The following GNA14 variants were observed in gnomAD, a reference collection of about 807,000 sequenced individuals.
The protein encoded by GNA14 is guanine nucleotide-binding protein subunit alpha-14.
A neutral mutation model predicts 42.0 loss-of-function variants in GNA14; 50 were observed. The ratio of observed to expected loss-of-function variants is 1.19; its 90% CI spans 0.95 to 1.51. The LOEUF (loss-of-function observed/expected upper bound fraction) is 1.51, where lower values mean the gene tolerates loss of function less well. Among genes scored for constraint, GNA14 ranks in the 40% most tolerant of loss-of-function variants. GNA14 has a pLI of 0.00. For synonymous variants in GNA14, 173 were observed against 163.1 expected (o/e 1.06, Z -0.46); for missense variants, 473 against 446.2 (o/e 1.06, Z -0.54).
chr9:77,626,773 G>A (rs1824018904), intron 1 of GNA14, among the ~76,000 whole-genome samples: 1 of 152,132 alleles, frequency 6.6e-6, no homozygotes, highest in Admixed American at 6.6e-5. Context: ...ATGCCCACAG[G>A]AGAAAGTGGG....
At chr9:77,526,321 A>C (rs943168236) in intron 2 of GNA14, among the ~76,000 whole-genome samples, 1 of 152,134 alleles carries the variant, frequency 6.6e-6, no homozygotes, top group Non-Finnish European at 1.5e-5. Flanking sequence ...TATGTTGTAC[A>C]TGGGATGGAC....
At chr9:77,585,184 G>C (rs1823284308) in intron 1 of GNA14, among the ~76,000 whole-genome samples, 1 of 152,154 alleles carries the variant, frequency 6.6e-6, no homozygotes. Context: ...AAAGAGGGAA[G>C]AGTGCGTATG....
At chr9:77,558,101 T>C (rs1822818136) in intron 1 of GNA14, among the ~76,000 whole-genome samples, 1 of 152,192 alleles carries the variant, frequency 6.6e-6, no homozygotes, top group Admixed American at 6.5e-5. Flanking sequence ...AAAATAATTC[T>C]TAAGACAATA....
At chr9:77,431,619 C>T (rs568312957) in intron 3 of GNA14, 170 bp from the exon 4 acceptor site, 11 of 569,182 alleles carry the variant, frequency 1.9e-5, no homozygotes, top group Admixed American at 6.0e-5. Context: ...ATCCTTCCTA[C>T]GACTGTTTTG....
intron 1 of GNA14, among the ~76,000 whole-genome samples, chr9:77,545,269 G>A (rs1416066847): frequency 6.6e-6 from 1 of 151,888 alleles, no homozygotes; most frequent in Non-Finnish European, 1.5e-5. Flanking sequence ...AATAAGAGGA[G>A]CTACCAGTGC....
intron 1 of GNA14, among the ~76,000 whole-genome samples, chr9:77,560,286 C>CTTTTTTT (rs770870060): frequency 1.7e-5 from 2 of 119,556 alleles, no homozygotes; most frequent in African/African-American, 3.4e-5. Flanking sequence ...CCTCTCCAGT[C>CTTTTTTT]TTTTTTTTTT....
chr9:77,600,237 C>T (rs181923665), intron 1 of GNA14, among the ~76,000 whole-genome samples: 192 of 152,320 alleles, frequency 1.3e-3, no homozygotes, highest in African/African-American at 3.8e-3. Context: ...CCAAAGTACA[C>T]CCCTTTTCTT....
intron 1 of GNA14, among the ~76,000 whole-genome samples, chr9:77,576,265 A>C (rs1345736998): frequency 6.6e-6 from 1 of 152,176 alleles, no homozygotes; most frequent in East Asian, 1.9e-4. Context: ...TTGTCCAGTG[A>C]TCGGATAGGG....
chr9:77,523,727 G>A (rs1362458637), intron 2 of GNA14, among the ~76,000 whole-genome samples: 1 of 152,204 alleles, frequency 6.6e-6, no homozygotes, highest in Non-Finnish European at 1.5e-5. Context: ...GGCAGCGAAG[G>A]AGCTAGGGTC....
At chr9:77,577,966 T>C (rs1005714363) in intron 1 of GNA14, among the ~76,000 whole-genome samples, 18 of 152,242 alleles carry the variant, frequency 1.2e-4, no homozygotes, top group Middle Eastern at 3.4e-3. Context: ...TGAATGATCA[T>C]GGCAACAAGA....
At chr9:77,462,103 C>T (rs1386910569) in intron 2 of GNA14, among the ~76,000 whole-genome samples, 2 of 152,166 alleles carry the variant, frequency 1.3e-5, no homozygotes, top group East Asian at 3.8e-4. Context: ...CGAACGTGAG[C>T]TCAGCAGCAT....
intron 1 of GNA14, among the ~76,000 whole-genome samples, chr9:77,643,400 C>T (rs574671592): frequency 1.3e-5 from 2 of 152,190 alleles, no homozygotes; most frequent in African/African-American, 4.8e-5. Context: ...CCACCACACC[C>T]GGCTAATTTT....
chr9:77,540,463 GT>G (rs1205386449), intron 1 of GNA14, among the ~76,000 whole-genome samples: 1 of 152,074 alleles, frequency 6.6e-6, no homozygotes, highest in African/African-American at 2.4e-5. Flanking sequence ...TGGATAAAAT[GT>G]TTTCTAAATG....
intron 1 of GNA14, among the ~76,000 whole-genome samples, chr9:77,540,945 G>A (rs959231375): frequency 2.0e-5 from 3 of 152,066 alleles, no homozygotes; most frequent in East Asian, 1.9e-4. Context: ...GATTTAATCC[G>A]TTTATATTCA....
At chr9:77,430,063 T>A (rs1408305053) in intron 4 of GNA14, among the ~76,000 whole-genome samples, 1 of 152,172 alleles carries the variant, frequency 6.6e-6, no homozygotes, top group Non-Finnish European at 1.5e-5. Flanking sequence ...TCTTGAACCA[T>A]GTCCTGGAGG....
intron 1 of GNA14, among the ~76,000 whole-genome samples, chr9:77,634,098 A>G (rs1824140273): frequency 6.6e-6 from 1 of 152,194 alleles, no homozygotes; most frequent in Admixed American, 6.5e-5. Context: ...TCAAAATCTT[A>G]CCATGTATAG....
intron 2 of GNA14, among the ~76,000 whole-genome samples, chr9:77,526,158 C>A (rs1233047522): frequency 1.8e-4 from 27 of 151,438 alleles, no homozygotes; most frequent in Admixed American, 1.6e-3. Context: ...AGATGGCTGC[C>A]TGCCTCGGCC....
chr9:77,556,718 A>C (rs1822786589), intron 1 of GNA14, among the ~76,000 whole-genome samples: 1 of 152,030 alleles, frequency 6.6e-6, no homozygotes, highest in African/African-American at 2.4e-5. Flanking sequence ...GCCACTCACT[A>C]ATGTGCCCTA....
chr9:77,490,466 A>G (rs1343520652), intron 2 of GNA14, among the ~76,000 whole-genome samples: 2 of 152,242 alleles, frequency 1.3e-5, no homozygotes, highest in East Asian at 3.9e-4. Context: ...CAGGCTGCAC[A>G]GGAACCCATG....
Sources: gnomAD v4.1 joint callset for allele counts (sites outside exome capture counted in the v4.1 genomes callset) on GRCh38, gnomAD v4.1.1 for gene constraint, MANE v1.5 for transcripts, NCBI Gene and HGNC (gene_info 2026-07-23, HGNC 2026-07-21) for gene names.